TMEM236: variants seen among roughly 807,000 people sequenced by gnomAD.
TMEM236 encodes the protein transmembrane protein 236, also known as family with sequence similarity 23, member A.
TMEM236 carries 11 observed loss-of-function variants against 14.7 expected under a neutral mutation model. That is an observed-to-expected ratio of 0.75 (90% CI 0.47 to 1.24). TMEM236 has a LOEUF of 1.24. TMEM236 is among the 50% of genes most tolerant of loss of function. The pLI is 0.00. For synonymous variants in TMEM236, 182 were observed against 168.6 expected (o/e 1.08, Z -0.62); for missense variants, 464 against 427.3 (o/e 1.09, Z -0.76).
intron 1 of TMEM236, among the ~76,000 whole-genome samples, chr10:17,762,765 T>C (rs1464649263): frequency 1.3e-5 from 2 of 151,148 alleles, no homozygotes; most frequent in Admixed American, 1.3e-4. Flanking sequence ...CTTCCCAGGC[T>C]CAAGTGATCC....
intron 3 of TMEM236, among the ~76,000 whole-genome samples, chr10:17,781,745 CAAAAAAAAA>C (rs67839025): frequency 1.0e-5 from 1 of 96,848 alleles, no homozygotes; most frequent in Non-Finnish European, 2.0e-5. Context: ...ACCTCTGTCT[CAAAAAAAAA>C]AAAAAAAAAA....
chr10:17,767,967 T>C (rs1383273037), intron 1 of TMEM236, among the ~76,000 whole-genome samples: 1 of 151,118 alleles, frequency 6.6e-6, no homozygotes, highest in Non-Finnish European at 1.5e-5. Context: ...TGGAGTGCAG[T>C]GGCGTGATCT....
chr10:17,784,702 A>G (rs1837805549), intron 3 of TMEM236, among the ~76,000 whole-genome samples: 1 of 152,206 alleles, frequency 6.6e-6, no homozygotes. Flanking sequence ...ATAGGAGTGG[A>G]TAGGGAGAAA....
chr10:17,785,047 T>A (rs935585386), intron 3 of TMEM236, among the ~76,000 whole-genome samples: 12 of 152,220 alleles, frequency 7.9e-5, no homozygotes, highest in African/African-American at 2.9e-4. Context: ...ATTTGGGAGT[T>A]CGCAGAGCAG....
intron 1 of TMEM236, among the ~76,000 whole-genome samples, chr10:17,758,717 G>C (rs1554833770): frequency 6.6e-6 from 1 of 152,192 alleles, no homozygotes. Context: ...ACTCTGAAAA[G>C]TGGTAGAAGT....
At chr10:17,756,089 A>G (rs1837280128) in intron 1 of TMEM236, among the ~76,000 whole-genome samples, 1 of 152,150 alleles carries the variant, frequency 6.6e-6, no homozygotes, top group South Asian at 2.1e-4. Flanking sequence ...CAACATAGTG[A>G]GACCTCGTCT....
chr10:17,757,287 CTTTG>C (rs2131739672), intron 1 of TMEM236, among the ~76,000 whole-genome samples: 1 of 152,254 alleles, frequency 6.6e-6, no homozygotes, highest in East Asian at 1.9e-4. Context: ...AAGTAATTAA[CTTTG>C]TCAACTGATA....
At chr10:17,753,714 T>C (rs1837242696) in intron 1 of TMEM236, among the ~76,000 whole-genome samples, 1 of 152,168 alleles carries the variant, frequency 6.6e-6, no homozygotes, top group Admixed American at 6.6e-5. Context: ...AACATACGGG[T>C]GCATGTGTCT....
chr10:17,787,545 C>T (rs946411845), intron 3 of TMEM236, among the ~76,000 whole-genome samples: 20 of 152,202 alleles, frequency 1.3e-4, no homozygotes, highest in Non-Finnish European at 2.9e-4. Flanking sequence ...GGCTTCCTTG[C>T]CTTAGTGCAG....
In TMEM236 at chr10:17,752,498, C is replaced by A. The variant is rs889646618; in HGVS notation, c.203C>A (p.Pro68His). 128 of 1,613,908 alleles carry A rather than the reference C, an allele frequency of 7.9e-5. 1 individual carries two copies. In the African/African-American group the frequency reaches 1.6e-3, roughly 21 times the overall value. Residue 68 changes from proline to histidine, a missense_variant, in exon 1 of 4, where the codon CCT becomes CAT. Pro to His is a moderately conservative substitution (Grantham distance 77). Transcript: ENST00000377495. Reference sequence around the variant, plus strand: ...TTAGTGACTCTACTGATCTGGGTTCCTGTAAAAGTTATCCTGCACAAGAAA... The same window carrying A: ...TTAGTGACTCTACTGATCTGGGTTCATGTAAAAGTTATCCTGCACAAGAAA... ...VALVTLLIWV[P>H]VKVILHKKRY...
intron 1 of TMEM236, among the ~76,000 whole-genome samples, chr10:17,766,055 G>T (rs1837457534): frequency 6.6e-6 from 1 of 152,172 alleles, no homozygotes; most frequent in Non-Finnish European, 1.5e-5. Context: ...CAGCCTTGGT[G>T]TTCTCTTCTG....
At chr10:17,794,790 C>T (rs2131769466) in intron 3 of TMEM236, among the ~76,000 whole-genome samples, 1 of 152,274 alleles carries the variant, frequency 6.6e-6, no homozygotes, top group Admixed American at 6.5e-5. Context: ...ATAATCCCAG[C>T]ACTTTGGGAG....
intron 1 of TMEM236, among the ~76,000 whole-genome samples, chr10:17,762,913 A>G (rs1368887615): frequency 1.3e-5 from 2 of 149,904 alleles, no homozygotes; most frequent in African/African-American, 4.9e-5. Flanking sequence ...TCGGCCTCCC[A>G]AAGTGCTTGG....
At chr10:17,776,739 A>G (rs1190878052) in intron 3 of TMEM236, among the ~76,000 whole-genome samples, 3 of 152,212 alleles carry the variant, frequency 2.0e-5, no homozygotes, top group African/African-American at 7.2e-5. Flanking sequence ...GTTTGAGACC[A>G]GCCTGAGCAA....
chr10:17,756,325 C>A (rs1450268238), intron 1 of TMEM236, among the ~76,000 whole-genome samples: 1 of 151,222 alleles, frequency 6.6e-6, no homozygotes, highest in Non-Finnish European at 1.5e-5. Flanking sequence ...GAGATGGAGT[C>A]TAGCTCTGTT....
chr10:17,760,132 A>G (rs1837338928), intron 1 of TMEM236, among the ~76,000 whole-genome samples: 1 of 151,984 alleles, frequency 6.6e-6, no homozygotes, highest in African/African-American at 2.4e-5. Context: ...AGGAAATGGA[A>G]CTCACCTTTC....
At chr10:17,768,639 C>G (rs1837514797) in intron 1 of TMEM236, among the ~76,000 whole-genome samples, 2 of 151,984 alleles carry the variant, frequency 1.3e-5, no homozygotes, top group South Asian at 4.2e-4. Flanking sequence ...CAGAACTTAC[C>G]TCGGGGGATG....
intron 3 of TMEM236, among the ~76,000 whole-genome samples, chr10:17,789,468 A>C (rs1417932377): frequency 6.6e-6 from 1 of 152,202 alleles, no homozygotes. Flanking sequence ...GCCAAACACT[A>C]TTTTTAAGTG....
At chr10:17,768,443 A>G in intron 1 of TMEM236, among the ~76,000 whole-genome samples, 1 of 152,272 alleles carries the variant, frequency 6.6e-6, no homozygotes, top group Middle Eastern at 3.4e-3. Flanking sequence ...GATAATTTCA[A>G]TATAATTGAT....
Sources: gnomAD v4.1 joint callset for allele counts (sites outside exome capture counted in the v4.1 genomes callset) on GRCh38, gnomAD v4.1.1 for gene constraint, MANE v1.5 for transcripts, NCBI Gene and HGNC (gene_info 2026-07-23, HGNC 2026-07-21) for gene names.